SKAP1: variants seen among roughly 807,000 people sequenced by gnomAD.
SKAP1 encodes src kinase associated phosphoprotein 1, also known as src kinase-associated phosphoprotein 1.
A neutral mutation model predicts 58.5 loss-of-function variants in SKAP1; 44 were observed. The observed-to-expected ratio is 0.75, with a 90% CI of 0.59 to 0.97. The LOEUF (loss-of-function observed/expected upper bound fraction) is 0.97, where lower values mean the gene tolerates loss of function less well. Among genes scored for constraint, SKAP1 ranks in the 50% least tolerant of loss-of-function variants. SKAP1 has a pLI of 0.00. For missense variants in SKAP1, 390 were observed against 435.2 expected (o/e 0.90, Z 0.92); for synonymous variants, 127 against 149.7 (o/e 0.85, Z 1.11).
At chr17:48,276,630 C>T (rs1458563908) in intron 4 of SKAP1, among the ~76,000 whole-genome samples, 1 of 152,094 alleles carries the variant, frequency 6.6e-6, no homozygotes, top group Non-Finnish European at 1.5e-5. Flanking sequence ...CATGGTACTT[C>T]CCTAATCATT....
At chr17:48,303,273 T>C (rs2066087393) in intron 4 of SKAP1, among the ~76,000 whole-genome samples, 1 of 151,748 alleles carries the variant, frequency 6.6e-6, no homozygotes, top group Non-Finnish European at 1.5e-5. Context: ...TGTCCTGTGA[T>C]ACTGTGGTGG....
intron 4 of SKAP1, chr17:48,307,764 T>C (rs2066166860): frequency 6.6e-6 from 1 of 152,068 alleles, no homozygotes; most frequent in Non-Finnish European, 1.5e-5. Flanking sequence ...TGTGTGGGGG[T>C]CTTAATAATT....
the SKAP1 span, among the ~76,000 whole-genome samples, chr17:48,444,030 G>A: frequency 0.045 from 6,811 of 151,996 alleles, 461 homozygotes; most frequent in African/African-American, 0.15. Flanking sequence ...GTAAATTACA[G>A]TCATCACGCT....
intron 3 of SKAP1, among the ~76,000 whole-genome samples, chr17:48,360,150 A>G (rs2066918192): frequency 6.6e-6 from 1 of 152,194 alleles, no homozygotes; most frequent in Non-Finnish European, 1.5e-5. Context: ...GATAAAAAAA[A>G]GATATTATTC....
intron 9 of SKAP1, 73 bp from the exon 10 acceptor site, chr17:48,170,732 T>TA: frequency 7.8e-7 from 1 of 1,276,978 alleles, no homozygotes. Context: ...TTTTTCGAGA[T>TA]AGAGTCTTGC....
At chr17:48,221,633 C>T (rs2143729706) in intron 4 of SKAP1, among the ~76,000 whole-genome samples, 1 of 152,318 alleles carries the variant, frequency 6.6e-6, no homozygotes. Context: ...TACTAACCAG[C>T]TAATTCTGTT....
chr17:48,398,816 T>C (rs984865323), intron 1 of SKAP1, among the ~76,000 whole-genome samples: 2 of 152,054 alleles, frequency 1.3e-5, no homozygotes, highest in Non-Finnish European at 2.9e-5. Flanking sequence ...GGTCAGGAGA[T>C]TGAGACCATC....
chr17:48,260,647 A>G (rs2065474863), intron 4 of SKAP1, among the ~76,000 whole-genome samples: 1 of 152,192 alleles, frequency 6.6e-6, no homozygotes, highest in Non-Finnish European at 1.5e-5. Flanking sequence ...GTGTGTATCA[A>G]TATACATGGA....
At chr17:48,177,836 G>T (rs1187823208) in intron 9 of SKAP1, among the ~76,000 whole-genome samples, 3 of 152,198 alleles carry the variant, frequency 2.0e-5, no homozygotes, top group African/African-American at 2.4e-5. Flanking sequence ...TTATGGGAAA[G>T]AACCTGTTGG....
intron 4 of SKAP1, among the ~76,000 whole-genome samples, chr17:48,329,844 A>G (rs1042865326): frequency 2.6e-5 from 4 of 152,202 alleles, no homozygotes; most frequent in South Asian, 2.1e-4. Flanking sequence ...TAGTGGAGGA[A>G]CTTGGGCAGG....
At chr17:48,230,948 A>G (rs1409591706) in intron 4 of SKAP1, among the ~76,000 whole-genome samples, 2 of 152,234 alleles carry the variant, frequency 1.3e-5, no homozygotes, top group Non-Finnish European at 2.9e-5. Context: ...TGTATTACAT[A>G]TATTATCTCA....
At chr17:48,168,013 G>A (rs1027520548) in intron 10 of SKAP1, among the ~76,000 whole-genome samples, 1 of 152,182 alleles carries the variant, frequency 6.6e-6, no homozygotes, top group Non-Finnish European at 1.5e-5. Flanking sequence ...CAGTCATGCT[G>A]TAAACTGAGC....
intron 1 of SKAP1, among the ~76,000 whole-genome samples, chr17:48,404,172 G>T (rs1452330040): frequency 6.6e-6 from 1 of 151,802 alleles, no homozygotes; most frequent in Non-Finnish European, 1.5e-5. Context: ...ATAATTCTTG[G>T]CTGGGTGAGG....
At chr17:48,305,386 T>C (rs2066125522) in intron 4 of SKAP1, among the ~76,000 whole-genome samples, 2 of 152,168 alleles carry the variant, frequency 1.3e-5, no homozygotes, top group Admixed American at 1.3e-4. Flanking sequence ...GCCACAATCA[T>C]CCATCTACGT....
chr17:48,319,633 C>T (rs749113905), intron 4 of SKAP1, among the ~76,000 whole-genome samples: 68 of 151,928 alleles, frequency 4.5e-4, no homozygotes, highest in South Asian at 8.3e-4. Flanking sequence ...TCACTGGAGC[C>T]CAGTTTGAGA....
At chr17:48,155,188 C>T (rs1034675030) in intron 11 of SKAP1, among the ~76,000 whole-genome samples, 1 of 151,462 alleles carries the variant, frequency 6.6e-6, no homozygotes, top group Non-Finnish European at 1.5e-5. Flanking sequence ...AGTGCAATGG[C>T]ATGATCTTGG....
intron 1 of SKAP1, among the ~76,000 whole-genome samples, chr17:48,411,178 T>C (rs1338014566): frequency 6.6e-6 from 1 of 151,978 alleles, no homozygotes; most frequent in African/African-American, 2.4e-5. Flanking sequence ...GACGGGCAGA[T>C]CACTTGAGGT....
At chr17:48,377,742 C>G (rs2144463298) in intron 2 of SKAP1, among the ~76,000 whole-genome samples, 1 of 152,112 alleles carries the variant, frequency 6.6e-6, no homozygotes, top group Admixed American at 6.5e-5. Context: ...GATGAAAAGA[C>G]AAGAGAATCA....
intron 4 of SKAP1, among the ~76,000 whole-genome samples, chr17:48,320,818 C>A (rs200009133): frequency 1.3e-5 from 2 of 151,940 alleles, no homozygotes; most frequent in African/African-American, 4.8e-5. Context: ...ATTAAAAGAA[C>A]AATAATGAAT....
Sources: gnomAD v4.1 joint callset for allele counts (sites outside exome capture counted in the v4.1 genomes callset) on GRCh38, gnomAD v4.1.1 for gene constraint, MANE v1.5 for transcripts, NCBI Gene and HGNC (gene_info 2026-07-23, HGNC 2026-07-21) for gene names.